XCR1: variants seen among roughly 807,000 people sequenced by gnomAD.
XCR1 encodes the protein chemokine XC receptor 1.
For missense variants in XCR1, 356 were observed against 424.2 expected, an observed-to-expected ratio of 0.84 and a Z score of 1.41; for synonymous variants, 187 against 188.5, an observed-to-expected ratio of 0.99 and a Z score of 0.06.
chr3:46,030,881 G>A (rs528915478), upstream of XCR1, among the ~76,000 whole-genome samples: 31 of 152,380 alleles, frequency 2.0e-4, no homozygotes, highest in Non-Finnish European at 2.9e-4. Context: ...ATTCCCTGCC[G>A]TGTTCTGGGA....
intron 5 of XCR1, among the ~76,000 whole-genome samples, chr3:46,039,322 T>C (rs960235049): frequency 9.2e-5 from 14 of 152,220 alleles, no homozygotes; most frequent in Non-Finnish European, 1.0e-4. Context: ...AAGTTAATTG[T>C]CTTACTTTGA....
At chr3:46,055,687 C>T (rs1008924903) in intron 4 of XCR1, among the ~76,000 whole-genome samples, 8 of 152,150 alleles carry the variant, frequency 5.3e-5, no homozygotes, top group African/African-American at 1.9e-4. Context: ...AGGCAATGAA[C>T]CTATTACAGT....
intron 5 of XCR1, among the ~76,000 whole-genome samples, chr3:46,032,833 A>G (rs988028591): frequency 2.6e-5 from 4 of 152,220 alleles, no homozygotes; most frequent in Non-Finnish European, 5.9e-5. Flanking sequence ...TAATACGTGC[A>G]TGGGGTACCT....
chr3:46,065,885 C>T lies in XCR1; in HGVS notation c.-183+1014G>A, dbSNP rs2125901873. ...AAAGACTAAACAGGCATTTGAGAAG[C>T]TTGAGGCGTCTTTGCCTGCTCCAGG... On this transcript the variant is annotated intron_variant, in intron 4 of 5. Transcript: ENST00000683768. Among the ~76,000 whole-genome samples the T allele has an allele frequency of 2.0e-5, 3 of 152,328 alleles. No individual in the cohort carries two copies. The South Asian group carries it at 6.2e-4, about 32-fold the overall frequency.
chr3:46,032,334 G>C (rs536215698), upstream of XCR1, among the ~76,000 whole-genome samples: 2 of 152,194 alleles, frequency 1.3e-5, no homozygotes, highest in Admixed American at 1.3e-4. Flanking sequence ...CGCTAGCAGG[G>C]GAAGCTGCTT....
chr3:46,033,835 C>G (rs1301774121), intron 5 of XCR1, among the ~76,000 whole-genome samples: 1 of 151,980 alleles, frequency 6.6e-6, no homozygotes, highest in East Asian at 1.9e-4. Flanking sequence ...TCGTTGATTT[C>G]TTTTATAGAG....
chr3:46,064,957 G>A (rs1436187989), intron 4 of XCR1, among the ~76,000 whole-genome samples: 1 of 152,176 alleles, frequency 6.6e-6, no homozygotes, highest in Admixed American at 6.5e-5. Flanking sequence ...CGGGTGTGGT[G>A]GCGCATGCCT....
chr3:46,048,772 A>G (rs1575424358), intron 5 of XCR1, among the ~76,000 whole-genome samples: 1 of 152,162 alleles, frequency 6.6e-6, no homozygotes, highest in Non-Finnish European at 1.5e-5. Flanking sequence ...CCGGAGTCTT[A>G]CCATCCATAC....
chr3:46,044,010 T>A (rs1315425663), intron 5 of XCR1, among the ~76,000 whole-genome samples: 1 of 152,148 alleles, frequency 6.6e-6, no homozygotes, highest in Non-Finnish European at 1.5e-5. Context: ...TGTTTTTGTT[T>A]TTTGAGACAG....
intron 4 of XCR1, among the ~76,000 whole-genome samples, chr3:46,054,892 A>G (rs986392700): frequency 1.3e-5 from 2 of 152,234 alleles, no homozygotes; most frequent in Non-Finnish European, 2.9e-5. Context: ...GTCCACAGAC[A>G]CGGATGATCA....
chr3:46,041,821 T>C (rs1157428749), intron 5 of XCR1, among the ~76,000 whole-genome samples: 1 of 152,208 alleles, frequency 6.6e-6, no homozygotes, highest in Admixed American at 6.5e-5. Context: ...GCCTTCTCAT[T>C]TATCATACTT....
intron 5 of XCR1, among the ~76,000 whole-genome samples, chr3:46,035,035 A>T (rs574293141): frequency 6.6e-6 from 1 of 150,734 alleles, no homozygotes; most frequent in Non-Finnish European, 1.5e-5. Context: ...GCTCACTGCA[A>T]CCTCTTCCTC....
chr3:46,084,499 T>G (rs1470330867), intron 1 of XCR1, among the ~76,000 whole-genome samples: 2 of 152,224 alleles, frequency 1.3e-5, no homozygotes, highest in Non-Finnish European at 1.5e-5. Flanking sequence ...TAAAATGCCA[T>G]GCACTGGACG....
At chr3:46,048,851 A>G (rs1401454403) in intron 5 of XCR1, among the ~76,000 whole-genome samples, 1 of 152,230 alleles carries the variant, frequency 6.6e-6, no homozygotes, top group Non-Finnish European at 1.5e-5. Context: ...TTGGCCTCCT[A>G]TACCCACTTT....
At chr3:46,085,380 A>T (rs1698455866) in intron 1 of XCR1, among the ~76,000 whole-genome samples, 1 of 152,210 alleles carries the variant, frequency 6.6e-6, no homozygotes, top group Non-Finnish European at 1.5e-5. Flanking sequence ...AGCTGGCTTC[A>T]GTCTTTATTC....
chr3:46,063,477 C>G (rs948221109), intron 4 of XCR1, among the ~76,000 whole-genome samples: 2 of 152,156 alleles, frequency 1.3e-5, no homozygotes, highest in African/African-American at 4.8e-5. Context: ...CCTGAGTTCC[C>G]CTGTCTAAAC....
upstream of XCR1, among the ~76,000 whole-genome samples, chr3:46,031,115 G>A (rs950170201): frequency 2.0e-5 from 3 of 146,424 alleles, no homozygotes; most frequent in Non-Finnish European, 4.4e-5. Context: ...AAGTTGGTGG[G>A]ACACGGAACT....
chr3:46,036,619 CAT>C (rs1396443904), intron 5 of XCR1, among the ~76,000 whole-genome samples: 2 of 152,204 alleles, frequency 1.3e-5, no homozygotes, highest in East Asian at 3.9e-4. Context: ...GAATTGTTAA[CAT>C]ATATTTTTGT....
chr3:46,054,092 C>T (rs1345192126), intron 4 of XCR1, among the ~76,000 whole-genome samples: 2 of 152,134 alleles, frequency 1.3e-5, no homozygotes, highest in African/African-American at 2.4e-5. Context: ...GGGGCAAACG[C>T]GGGAATAAAA....
Sources: gnomAD v4.1 joint callset for allele counts (sites outside exome capture counted in the v4.1 genomes callset) on GRCh38, gnomAD v4.1.1 for gene constraint, MANE v1.5 for transcripts, NCBI Gene and HGNC (gene_info 2026-07-23, HGNC 2026-07-21) for gene names.